The following KIAA1549L variants were observed in gnomAD, a reference collection of about 807,000 sequenced individuals.
The protein encoded by KIAA1549L is UPF0606 protein KIAA1549L.
Under a neutral mutation model 160.7 loss-of-function variants are expected in KIAA1549L, and 88 were observed. That is an observed-to-expected ratio of 0.55 (90% CI 0.46 to 0.65). KIAA1549L has a LOEUF of 0.65. Among genes scored for constraint, KIAA1549L ranks in the 30% least tolerant of loss-of-function variants. KIAA1549L has a pLI of 0.00. For synonymous variants in KIAA1549L, 950 were observed against 976.7 expected (o/e 0.97, Z 0.51); for missense variants, 2,258 against 2,437.5 (o/e 0.93, Z 1.55).
intron 17 of KIAA1549L, among the ~76,000 whole-genome samples, chr11:33,655,256 TACACAC>T (rs147310112): frequency 6.6e-6 from 1 of 150,796 alleles, no homozygotes; most frequent in African/African-American, 2.4e-5. Context: ...GCAAAAGACA[TACACAC>T]ACACACACAC....
intron 2 of KIAA1549L, among the ~76,000 whole-genome samples, 193 bp from the exon 3 acceptor site, chr11:33,544,574 T>C (rs1266940894): frequency 6.6e-6 from 1 of 152,232 alleles, no homozygotes; most frequent in Non-Finnish European, 1.5e-5. Flanking sequence ...ATAGCTGTGC[T>C]GTAAGTGGCA....
At chr11:33,574,476 G>C (rs1855375068) in intron 9 of KIAA1549L, among the ~76,000 whole-genome samples, 1 of 152,226 alleles carries the variant, frequency 6.6e-6, no homozygotes, top group Admixed American at 6.5e-5. Flanking sequence ...ACCACAAACT[G>C]TTCTTTCCAG....
intron 1 of KIAA1549L, among the ~76,000 whole-genome samples, chr11:33,476,076 A>G (rs1192964248): frequency 6.6e-6 from 1 of 152,228 alleles, no homozygotes; most frequent in African/African-American, 2.4e-5. Context: ...GGTCTGGGCA[A>G]TAGCCCGTGG....
At chr11:33,464,158 G>A (rs1851996204) in intron 1 of KIAA1549L, among the ~76,000 whole-genome samples, 1 of 152,186 alleles carries the variant, frequency 6.6e-6, no homozygotes, top group African/African-American at 2.4e-5. Flanking sequence ...GTCAGTAAAA[G>A]CTAGATCTGT....
intron 1 of KIAA1549L, among the ~76,000 whole-genome samples, chr11:33,379,939 A>G (rs1437497507): frequency 6.6e-6 from 1 of 152,226 alleles, no homozygotes; most frequent in Admixed American, 6.5e-5. Context: ...CCTCAAGAAG[A>G]GGGCGATCAA....
At chr11:33,393,964 C>T (rs192100374) in intron 1 of KIAA1549L, among the ~76,000 whole-genome samples, 327 of 152,258 alleles carry the variant, frequency 2.1e-3, no homozygotes, top group African/African-American at 7.6e-3. Context: ...CTCTTTAAAC[C>T]TTTTTGACCA....
chr11:33,623,970 C>T (rs971186021), intron 16 of KIAA1549L, among the ~76,000 whole-genome samples: 1 of 152,156 alleles, frequency 6.6e-6, no homozygotes, highest in Non-Finnish European at 1.5e-5. Flanking sequence ...CATTTTTTCC[C>T]GGACTCTGGG....
chr11:33,545,838 A>G (rs1010768361), intron 3 of KIAA1549L, among the ~76,000 whole-genome samples: 1 of 152,212 alleles, frequency 6.6e-6, no homozygotes, highest in Non-Finnish European at 1.5e-5. Flanking sequence ...TGAATGAATG[A>G]TGTGGTTTGT....
chr11:33,488,397 A>C (rs1358300025), intron 1 of KIAA1549L, among the ~76,000 whole-genome samples: 2 of 152,216 alleles, frequency 1.3e-5, no homozygotes. Context: ...AAGGTAAAAT[A>C]TTGTACATTT....
At chr11:33,396,580 A>G (rs1198030150) in intron 1 of KIAA1549L, among the ~76,000 whole-genome samples, 1 of 152,152 alleles carries the variant, frequency 6.6e-6, no homozygotes. Context: ...AGCCTAAAGT[A>G]GGTAGAGTGA....
rs552807910 is a variant in KIAA1549L, at chr11:33,583,975, ACCCC to A, written c.4566+476_4566+479del. Among the ~76,000 whole-genome samples the A allele has an allele frequency of 3.3e-4, 50 of 152,116 alleles. 1 individual carries two copies. The highest frequency in any genetic ancestry group is 7.2e-4 in the Admixed American group (11 of 15,276). ...CACAGATTTATATGTTGAAATTCTG[ACCCC>A]CAATATGATGGTATTAGGAGATAGG... On this transcript the variant is annotated intron_variant, in intron 11 of 20. Coordinates refer to ENST00000658780, the MANE Select transcript of KIAA1549L (RefSeq NM_012194.3).
At chr11:33,492,711 C>T (rs963584719) in intron 1 of KIAA1549L, among the ~76,000 whole-genome samples, 1 of 152,074 alleles carries the variant, frequency 6.6e-6, no homozygotes, top group African/African-American at 2.4e-5. Flanking sequence ...GCTTCTTTAG[C>T]GAGATTAGAT....
intron 10 of KIAA1549L, among the ~76,000 whole-genome samples, chr11:33,582,507 A>T (rs1855676496): frequency 6.6e-6 from 1 of 152,220 alleles, no homozygotes; most frequent in Non-Finnish European, 1.5e-5. Flanking sequence ...ATTAATTTAA[A>T]CTACAGACCA....
chr11:33,665,743 G>T (rs556465256), intron 20 of KIAA1549L, among the ~76,000 whole-genome samples: 1 of 152,116 alleles, frequency 6.6e-6, no homozygotes, highest in Non-Finnish European at 1.5e-5. Context: ...CTGTCTGTCC[G>T]CCCCACCCCT....
At chr11:33,642,415 G>T (rs1483950153) in intron 16 of KIAA1549L, among the ~76,000 whole-genome samples, 3 of 152,158 alleles carry the variant, frequency 2.0e-5, no homozygotes, top group Non-Finnish European at 2.9e-5. Context: ...CTATAGAAGG[G>T]TGCACCCTTA....
At chr11:33,407,573 T>C (rs1452440452) in intron 1 of KIAA1549L, among the ~76,000 whole-genome samples, 1 of 152,174 alleles carries the variant, frequency 6.6e-6, no homozygotes, top group Non-Finnish European at 1.5e-5. Context: ...GGTTTCAAAC[T>C]TGTGACCTCA....
chr11:33,390,257 C>T (rs751019357), intron 1 of KIAA1549L, among the ~76,000 whole-genome samples: 4 of 152,164 alleles, frequency 2.6e-5, no homozygotes, highest in Non-Finnish European at 5.9e-5. Context: ...ATGATATTGC[C>T]CTCCAGGATA....
At chr11:33,629,595 C>T (rs1348316721) in intron 16 of KIAA1549L, among the ~76,000 whole-genome samples, 1 of 151,558 alleles carries the variant, frequency 6.6e-6, no homozygotes. Flanking sequence ...CCTGAGGCTT[C>T]TGCATTCTTC....
intron 1 of KIAA1549L, among the ~76,000 whole-genome samples, chr11:33,470,693 TCCACCCG>T (rs1309041163): frequency 6.6e-6 from 1 of 152,182 alleles, no homozygotes; most frequent in African/African-American, 2.4e-5. Flanking sequence ...CACCTGCCAA[TCCACCCG>T]CCTTGGCCTC....
Sources: allele counts gnomAD v4.1 joint callset (sites outside exome capture counted in the v4.1 genomes callset), GRCh38; gene constraint gnomAD v4.1.1; transcripts MANE v1.5; gene names NCBI Gene and HGNC (gene_info 2026-07-23, HGNC 2026-07-21).